The following CCDC38 variants were observed in gnomAD, a reference collection of about 807,000 sequenced individuals.
CCDC38 encodes coiled-coil domain-containing protein 38.
CCDC38 carries 69 observed loss-of-function variants against 72.8 expected under a neutral mutation model. That is an observed-to-expected ratio of 0.95 (90% CI 0.78 to 1.16). The LOEUF (loss-of-function observed/expected upper bound fraction) is 1.16. Among genes scored for constraint, CCDC38 ranks in the 50% most tolerant of loss-of-function variants. The pLI is 0.00. For missense variants in CCDC38, 626 were observed against 638.9 expected (o/e 0.98, Z 0.22); for synonymous variants, 201 against 213.2 (o/e 0.94, Z 0.50).
rs1451695084 is a variant in CCDC38 at position 95,872,378 on chromosome 12, T to C, written c.1361A>G (p.Asn454Ser). Residue 454 changes from asparagine (N) to serine (S), a missense_variant, in exon 14 of 16, where the codon AAC becomes AGC. Transcript: ENST00000344280. ...TACTTTTACCAGCTTTTGAATTGGG[T>C]TGAGGCCGTCATCCTCAGCATCTCC... ...CIGDAEDDGL[N>S]PIQKLVKVES... 6.2e-7 allele frequency: 1 copy of C among 1,614,060 alleles called. No individual in the cohort carries two copies. The highest frequency in any genetic ancestry group is 8.5e-7 in the Non-Finnish European group (1 of 1,180,000).
In CCDC38 at chr12:95,917,214, G is replaced by T. The variant is rs776942800; in HGVS notation, c.219C>A (p.Ser73Arg). 1.2e-6 allele frequency: 2 copies of T among 1,610,512 alleles called. No homozygotes were observed. The highest frequency in any genetic ancestry group is 4.5e-5 in the East Asian group (2 of 44,552). The change falls in exon 4 of 16, where the codon AGC becomes AGA. Residue 73 changes from serine to arginine, a missense_variant. Transcript: ENST00000344280. ...TCCTTTTAGGGTAGAAAGCTAGTTG[G>T]CTCAGGTATGAATGACTCTTCATTC... is the stretch of plus-strand genomic sequence containing the variant. The part of the protein sequence containing the change: ...SSRMKSHSYL[S>R]QLAFYPKRSG...
chr12:95,920,543 T>A (rs368951375), intron 2 of CCDC38, among the ~76,000 whole-genome samples: 19 of 152,270 alleles, frequency 1.2e-4, no homozygotes, highest in South Asian at 8.3e-4. Context: ...TGAAGTACAA[T>A]ATATGCTACA....
rs780225378 is a variant in CCDC38, at chr12:95,936,496, A to G, written c.14T>C (p.Leu5Ser). MSSN[L>S]LPTLNSGGKV... ...ACCTCCAGAATTCAGTGTTGGCAAT[A>G]AATTTGAGGACATTTTCTTGCCTGG... Residue 5 changes from leucine to serine, a missense_variant, in exon 2 of 16, where the codon TTA becomes TCA. Physicochemically the swap from Leu to Ser is moderately radical, Grantham distance 145. Coordinates refer to ENST00000344280, the MANE Select transcript of CCDC38 (RefSeq NM_182496.3). 1.2e-6 allele frequency: 2 copies of G among 1,612,386 alleles called. No individual in the cohort carries two copies. The highest frequency in any genetic ancestry group is 1.7e-6 in the Non-Finnish European group (2 of 1,179,746).
chr12:95,908,284 A>G lies in CCDC38; in HGVS notation c.305-1833T>C, dbSNP rs1223787105. ...AGACCAGCCCGGCCAACACAGCGAA[A>G]CCCCGTCTCCACCCAAAAAATAGGA... is the stretch of plus-strand genomic sequence containing the variant. On this transcript the variant is annotated intron_variant, in intron 4 of 15. Transcript: ENST00000344280. Among the ~76,000 whole-genome samples, 4 of 150,354 alleles carry G rather than the reference A, an allele frequency of 2.7e-5. No homozygotes were observed. In the East Asian group the frequency reaches 6.1e-4, roughly 23 times the overall value.
Position 95,867,079 on chromosome 12 carries a change from A to C in CCDC38, c.1689T>G (p.Thr563=). 1 of 1,537,332 alleles carries C rather than the reference A, an allele frequency of 6.5e-7. No individual in the cohort carries two copies. The highest frequency in any genetic ancestry group is 1.1e-5 in the South Asian group (1 of 87,484). ...TKSQEEEYFF[T] ...TAAAATGTCTTACTGCTTTTATTCA[A>C]GTAAAAAAATATTCTTCCTCTTGTG... Residue 563 remains threonine (T), a synonymous_variant, in exon 16 of 16, where the codon ACT becomes ACG. Transcript: ENST00000344280.
intron 13 of CCDC38, among the ~76,000 whole-genome samples, chr12:95,873,669 C>A (rs2079605972): frequency 6.6e-6 from 1 of 152,180 alleles, no homozygotes; most frequent in Non-Finnish European, 1.5e-5. Context: ...AGCATTCTGC[C>A]CCATTTCCTG....
chr12:95,934,254 G>A (rs755350009), intron 2 of CCDC38: 1 of 152,062 alleles, frequency 6.6e-6, no homozygotes, highest in Non-Finnish European at 1.5e-5. Context: ...GAAAGCCAAG[G>A]GATAGGGTAT....
At chr12:95,926,622 A>C (rs2080274062) in intron 2 of CCDC38, among the ~76,000 whole-genome samples, 1 of 151,538 alleles carries the variant, frequency 6.6e-6, no homozygotes, top group Admixed American at 6.6e-5. Flanking sequence ...TAGTTCTTTT[A>C]ATTGTGATGT....
At chr12:95,935,526 A>C (rs1204165966) in intron 2 of CCDC38, 1 of 327,118 alleles carries the variant, frequency 3.1e-6, no homozygotes, top group Non-Finnish European at 6.3e-6. Flanking sequence ...TCCAGACTTA[A>C]CCTGAGAGAG....
intron 5 of CCDC38, among the ~76,000 whole-genome samples, chr12:95,904,948 T>C (rs1447811897): frequency 6.6e-6 from 1 of 152,216 alleles, no homozygotes; most frequent in Non-Finnish European, 1.5e-5. Context: ...CAAATAGTTG[T>C]TCCTTGGCAT....
intron 6 of CCDC38, 42 bp downstream of exon 6, chr12:95,898,526 C>CAAAT: frequency 6.2e-7 from 1 of 1,613,768 alleles, no homozygotes; most frequent in Non-Finnish European, 8.5e-7. Context: ...AACAAACAAA[C>CAAAT]AAAAGAGGTG....
chr12:95,877,020 G>T (rs185781904), intron 13 of CCDC38, among the ~76,000 whole-genome samples: 2 of 152,010 alleles, frequency 1.3e-5, no homozygotes, highest in Admixed American at 1.3e-4. Flanking sequence ...AAATAATGAA[G>T]GAATTCTCAA....
intron 1 of CCDC38, among the ~76,000 whole-genome samples, chr12:95,940,816 G>A (rs2080441705): frequency 6.6e-6 from 1 of 151,974 alleles, no homozygotes; most frequent in Non-Finnish European, 1.5e-5. Context: ...CTGGCGTCAG[G>A]CTATTTAGTA....
rs2079815422 is a variant in CCDC38, at chr12:95,890,735, C to T, written c.871+97G>A. 3 of 656,028 alleles carry T rather than the reference C, an allele frequency of 4.6e-6. No homozygotes were observed. In the East Asian group the frequency reaches 8.4e-5, roughly 18 times the overall value. The allele number at this position is 656,028 out of a possible 1,614,324, so 40.6% of individuals were successfully genotyped here. ...AGGATTGAGGGTGGGGTGGACACAG[C>T]CCTCCATTTTCCAGGTTGGCTTGTA... On this transcript the variant is annotated intron_variant, in intron 9 of 15. Transcript: ENST00000344280.
intron 4 of CCDC38, among the ~76,000 whole-genome samples, chr12:95,913,971 T>TA (rs759778462): frequency 1.8e-4 from 27 of 152,130 alleles, no homozygotes; most frequent in Admixed American, 2.0e-4. Flanking sequence ...TGTTGATGAT[T>TA]AAATAAAATA....
chr12:95,898,289 G>T (rs1413602299), intron 7 of CCDC38, 96 bp downstream of exon 7: 6 of 1,171,920 alleles, frequency 5.1e-6, no homozygotes, highest in Non-Finnish European at 7.7e-6. Flanking sequence ...ATCATCAACT[G>T]ATAAGGATGA....
intron 13 of CCDC38, among the ~76,000 whole-genome samples, chr12:95,874,852 A>G (rs1051949808): frequency 6.6e-6 from 1 of 152,204 alleles, no homozygotes; most frequent in Non-Finnish European, 1.5e-5. Context: ...GTGGATATCT[A>G]GATGTCATTG....
At chr12:95,881,850 T>G (rs1391247844) in intron 10 of CCDC38, among the ~76,000 whole-genome samples, 1 of 152,206 alleles carries the variant, frequency 6.6e-6, no homozygotes, top group South Asian at 2.1e-4. Context: ...TAAGGTAACT[T>G]TATTTTTAAA....
chr12:95,903,325 G>T, intron 5 of CCDC38: 2 of 645,336 alleles, frequency 3.1e-6, no homozygotes, highest in Non-Finnish European at 5.6e-6. Context: ...GGATCGTGTT[G>T]TCTGTAAATA....
Sources: allele counts gnomAD v4.1 joint callset (sites outside exome capture counted in the v4.1 genomes callset), GRCh38; gene constraint gnomAD v4.1.1; transcripts MANE v1.5; gene names NCBI Gene and HGNC (gene_info 2026-07-23, HGNC 2026-07-21).